FANCI: variants seen among roughly 807,000 people sequenced by gnomAD.
The protein encoded by FANCI is Fanconi anemia group I protein.
A neutral mutation model predicts 176.1 loss-of-function variants in FANCI; 156 were observed. The ratio of observed to expected loss-of-function variants is 0.89; its 90% CI spans 0.78 to 1.01. The LOEUF is 1.01. Among genes scored for constraint, FANCI ranks in the 50% least tolerant of loss-of-function variants. The probability of loss-of-function intolerance (pLI) is 0.00; values close to 1 mark genes in which losing one functional copy is unlikely to be tolerated. For synonymous variants in FANCI, 613 were observed against 541.7 expected (o/e 1.13, Z -1.83); for missense variants, 1,678 against 1,534.1 (o/e 1.09, Z -1.57).
At chr15:89,289,264 T>A (rs772052255) in intron 18 of FANCI, among the ~76,000 whole-genome samples, 1 of 152,168 alleles carries the variant, frequency 6.6e-6, no homozygotes, top group Admixed American at 6.5e-5. Context: ...GGATTAATTT[T>A]CCTTTGTTCC....
In FANCI at chr15:89,305,125, G is replaced by A. The variant is rs777093571; in HGVS notation, c.3069G>A (p.Leu1023=). ...ICKENSREDA[L]FCKSLMNLLF... is the part of the protein sequence containing the mutation. ...TCTTCCTATTCCTAGAGGATGCCTTGTTTTGCAAGAGCTTGATGAACTTGC... is the reference window on the plus strand; with the variant it reads ...TCTTCCTATTCCTAGAGGATGCCTTATTTTGCAAGAGCTTGATGAACTTGC... Residue 1023 remains leucine (L), a synonymous_variant, in exon 29 of 38, where the codon TTG becomes TTA. Transcript: ENST00000310775. The A allele has an allele frequency of 2.1e-5, 34 of 1,614,022 alleles. No individual in the cohort carries two copies. Among genetic ancestry groups the A allele is most frequent in the Middle Eastern group, 1.6e-4 (1 of 6,084 alleles).
At chr15:89,282,690 G>A (rs1314854032) in intron 16 of FANCI, 4 of 232,620 alleles carry the variant, frequency 1.7e-5, no homozygotes, top group African/African-American at 4.5e-5. Context: ...TAATCATTGC[G>A]CCTCAGTGAG....
chr15:89,259,873 T>C (rs1347953615), intron 3 of FANCI, among the ~76,000 whole-genome samples: 2 of 152,260 alleles, frequency 1.3e-5, no homozygotes, highest in African/African-American at 4.8e-5. Flanking sequence ...ATACAACATT[T>C]TTCCATTCAT....
chr15:89,299,979 G>A lies in FANCI; in HGVS notation c.2803+13G>A. 1.2e-6 allele frequency: 2 copies of A among 1,613,640 alleles called. No individual in the cohort carries two copies. The highest frequency in any genetic ancestry group is 1.1e-5 in the South Asian group (1 of 90,962). On this transcript the variant is annotated intron_variant, in intron 25 of 37. Transcript: ENST00000310775. ...CTCAGAGCTCTGGGTAAGCATTGCA[G>A]TATCAATAAATAGGCTTGATTTAGG...
chr15:89,281,282 G>A lies in FANCI; in HGVS notation c.1494G>A (p.Arg498=). The part of the protein sequence containing the change: ...LSFLPLQTVQ[R]LLKAVQPLLK... Reference sequence around the variant, plus strand: ...TTCTGCCCCTTCAGACTGTACAAAGGCTGCTTAAGGCAGTGCAGGTAAGTC... The same window carrying A: ...TTCTGCCCCTTCAGACTGTACAAAGACTGCTTAAGGCAGTGCAGGTAAGTC... The change falls in exon 15 of 38, where the codon AGG becomes AGA. Residue 498 remains arginine (R), a synonymous_variant. Coordinates refer to ENST00000310775, the MANE Select transcript of FANCI (RefSeq NM_001113378.2). The A allele has an allele frequency of 1.9e-6, 3 of 1,613,766 alleles. No homozygotes were observed. Among genetic ancestry groups the A allele is most frequent in the Non-Finnish European group, 2.5e-6 (3 of 1,179,768 alleles).
intron 2 of FANCI, among the ~76,000 whole-genome samples, chr15:89,251,540 C>G (rs1381484958): frequency 6.6e-6 from 1 of 151,752 alleles, no homozygotes; most frequent in African/African-American, 2.4e-5. Flanking sequence ...AACCTTAAAC[C>G]TCATAAAGAT....
chr15:89,290,287 A>G lies in FANCI; in HGVS notation c.1890+6A>G, dbSNP rs1215092697. 1.1e-5 allele frequency: 17 copies of G among 1,606,350 alleles called. No individual in the cohort carries two copies. The highest frequency in any genetic ancestry group is 2.7e-5 in the African/African-American group (2 of 74,798). ...TGCAAACTCTGCTCTCACAGGTAAA[A>G]TACATTTTTATGGATATATGGAAAA... On this transcript the variant is annotated splice_donor_region_variant and intron_variant, in intron 19 of 37. Coordinates refer to ENST00000310775, the MANE Select transcript of FANCI (RefSeq NM_001113378.2).
chr15:89,273,309 TTAAAAA>T, intron 10 of FANCI, 62 bp from the exon 11 acceptor site: 1 of 752,786 alleles, frequency 1.3e-6, no homozygotes, highest in Non-Finnish European at 2.2e-6. Context: ...CTTTTTTTTT[TTAAAAA>T]AAAAAAAAAA....
At position 89,269,712 on chromosome 15, in the gene FANCI, T is replaced by C. The variant is rs916412278; in HGVS notation, c.882+1187T>C. Reference sequence around the variant, plus strand: ...TACGGTTCCAGCAAGAAGGCAGCCATAGACAAAATGTACTAACGAGTGTGG... The same window carrying C: ...TACGGTTCCAGCAAGAAGGCAGCCACAGACAAAATGTACTAACGAGTGTGG... On this transcript the variant is annotated intron_variant, in intron 10 of 37. Coordinates refer to ENST00000310775, the MANE Select transcript of FANCI (RefSeq NM_001113378.2). Among the ~76,000 whole-genome samples, 5 of 152,348 alleles carry C rather than the reference T, an allele frequency of 3.3e-5. No homozygotes were observed. In the South Asian group the frequency reaches 6.2e-4, roughly 19 times the overall value.
rs927691078 is a variant in FANCI at position 89,290,075 on chromosome 15, CATTT to C, written c.1822-136_1822-133del. 3 of 721,628 alleles carry C rather than the reference CATTT, an allele frequency of 4.2e-6. No homozygotes were observed. In the African/African-American group the frequency reaches 5.3e-5, roughly 13 times the overall value. 44.7% of individuals were successfully genotyped at this position (721,628 alleles called of 1,614,324 possible). Reference sequence around the variant, plus strand: ...AAAAATATGGTCATTTATATTAGGGCATTTAGGACTGTCAAATATGGTCTCAATA... The same window carrying C: ...AAAAATATGGTCATTTATATTAGGGCAGGACTGTCAAATATGGTCTCAATA... On this transcript the variant is annotated intron_variant, in intron 18 of 37. Transcript: ENST00000310775.
At chr15:89,270,992 A>G (rs527976761) in intron 10 of FANCI, among the ~76,000 whole-genome samples, 1 of 152,262 alleles carries the variant, frequency 6.6e-6, no homozygotes, top group South Asian at 2.1e-4. Flanking sequence ...TTTTAAATTT[A>G]GGTTCGTAGT....
rs1336169534 is a variant in FANCI, at chr15:89,261,676, T to G, written c.380T>G (p.Leu127Trp). Residue 127 changes from leucine (L) to tryptophan (W), a missense_variant, in exon 5 of 38, where the codon TTG becomes TGG. Leu to Trp is a moderately conservative substitution (Grantham distance 61, BLOSUM62 -2). Transcript: ENST00000310775. ...REGSLVNGKS[L>W]ELLPIILTAL... ...GGCAGCCTAGTGAATGGAAAATCTT[T>G]GGAGTTACTACCTATCATTCTCACT... is the stretch of plus-strand genomic sequence containing the variant. 6.2e-7 allele frequency: 1 copy of G among 1,614,182 alleles called. No individual in the cohort carries two copies. Among genetic ancestry groups the G allele is most frequent in the South Asian group, 1.1e-5 (1 of 91,080 alleles).
intron 23 of FANCI, 23 bp downstream of exon 23, chr15:89,294,020 A>G (rs2054162653): frequency 6.2e-7 from 1 of 1,613,820 alleles, no homozygotes; most frequent in Non-Finnish European, 8.5e-7. Flanking sequence ...TAGAGTGCTT[A>G]AAGACAGCCA....
intron 4 of FANCI, among the ~76,000 whole-genome samples, 180 bp from the exon 5 acceptor site, chr15:89,261,405 G>A (rs1205968201): frequency 6.6e-6 from 1 of 152,180 alleles, no homozygotes; most frequent in Non-Finnish European, 1.5e-5. Flanking sequence ...TCTAACTTTT[G>A]AAGCCCTTCA....
intron 18 of FANCI, among the ~76,000 whole-genome samples, chr15:89,286,495 C>A (rs60591613): frequency 6.6e-6 from 1 of 152,132 alleles, no homozygotes; most frequent in Non-Finnish European, 1.5e-5. Flanking sequence ...TGTACATTTC[C>A]ATCAGAGCTC....
intron 2 of FANCI, among the ~76,000 whole-genome samples, chr15:89,258,000 G>A (rs2052568621): frequency 6.6e-6 from 1 of 151,838 alleles, no homozygotes; most frequent in South Asian, 2.1e-4. Flanking sequence ...TTCATAATCT[G>A]GTCCTTTCCC....
In FANCI at chr15:89,306,013, C is replaced by A; in HGVS notation, c.3356C>A (p.Ala1119Asp). Reference protein sequence around the residue: ...QVSQETLSEEASSQATLPNQP... With the variant: ...QVSQETLSEEDSSQATLPNQP... ...CAATTTTATTTCCCTTTAGAAGAGG[C>A]CTCTTCTCAGGCAACCCTACCAAAT... Residue 1119 changes from alanine (A) to aspartate (D), a missense_variant, in exon 32 of 38, where the codon GCC (alanine) becomes GAC (aspartate). Physicochemically the swap from Ala to Asp is moderately radical, Grantham distance 126. This residue lies in a region of FANCI where 1,204 missense variants were observed against 1,077.4 expected (regional missense o/e 1.12). Transcript: ENST00000310775. 2 of 1,614,144 alleles carry A rather than the reference C, an allele frequency of 1.2e-6. No homozygotes were observed. Among genetic ancestry groups the A allele is most frequent in the Non-Finnish European group, 1.7e-6 (2 of 1,180,022 alleles).
chr15:89,258,049 A>G (rs1397932311), intron 2 of FANCI, among the ~76,000 whole-genome samples: 1 of 150,190 alleles, frequency 6.7e-6, no homozygotes, highest in African/African-American at 2.5e-5. Flanking sequence ...TCTTTTCTTT[A>G]TTATTCTCCA....
At chr15:89,313,392 C>A (rs185997088) in intron 35 of FANCI, among the ~76,000 whole-genome samples, 1 of 152,264 alleles carries the variant, frequency 6.6e-6, no homozygotes, top group Non-Finnish European at 1.5e-5. Context: ...GATGGAGCAT[C>A]TTATTTTTCC....
Sources: gnomAD v4.1 joint callset for allele counts (sites outside exome capture counted in the v4.1 genomes callset) on GRCh38, gnomAD v4.1.1 for gene constraint, gnomAD v4.1.1 regional missense constraint, MANE v1.5 for transcripts, NCBI Gene and HGNC (gene_info 2026-07-23, HGNC 2026-07-21) for gene names.